The following NKX2-8 variants were observed in gnomAD, a reference collection of about 807,000 sequenced individuals.
NKX2-8 encodes the protein homeobox protein Nkx-2.8.
In NKX2-8, 8 loss-of-function variants were observed where a neutral mutation model predicts 6.4. The ratio of observed to expected loss-of-function variants is 1.24; its 90% CI spans 0.73 to 2.24. The LOEUF is 2.24. Ranked by LOEUF, NKX2-8 falls within the 30% of genes most tolerant of loss-of-function variation. NKX2-8 has a pLI of 0.00. For missense variants in NKX2-8, 406 were observed against 351.1 expected, an observed-to-expected ratio of 1.16 and a Z score of -1.25; for synonymous variants, 216 against 171.5, an observed-to-expected ratio of 1.26 and a Z score of -2.03.
rs1487638785 is a variant in NKX2-8 at position 36,581,343 on chromosome 14, C to G, written c.279G>C (p.Lys93Asn). Residue 93 changes from lysine to asparagine, a missense_variant, in exon 2 of 2, where the codon AAG (lysine) becomes AAC (asparagine). By Grantham distance (94) the Lys-to-Asn change is moderately conservative. Transcript: ENST00000258829. The surrounding 1 kb of genome is among the most constrained non-coding windows in gnomAD (Gnocchi z 5.6). ...KRKKRRVLFS[K>N]AQTLELERRF... ...GCCGCTCCAACTCCAGCGTCTGCGCCTTGGAGAATAGCACCCGCCGCTTCT... is the reference window on the plus strand; with the variant it reads ...GCCGCTCCAACTCCAGCGTCTGCGCGTTGGAGAATAGCACCCGCCGCTTCT... The G allele has an allele frequency of 6.4e-7, 1 of 1,573,348 alleles. No individual in the cohort carries two copies. The highest frequency in any genetic ancestry group is 1.9e-5 in the Admixed American group (1 of 53,850).
chr14:36,582,203 A>C (rs1594435329), intron 1 of NKX2-8, 30 bp downstream of exon 1: 1 of 1,583,888 alleles, frequency 6.3e-7, no homozygotes, highest in Non-Finnish European at 8.6e-7. Flanking sequence ...CCTACCTCCC[A>C]CCCCGCACCG....
chr14:36,581,181 C>A lies in NKX2-8; in HGVS notation c.441G>T (p.Ala147=). The A allele has an allele frequency of 6.2e-7, 1 of 1,601,864 alleles. No homozygotes were observed. The highest frequency in any genetic ancestry group is 1.3e-5 in the African/African-American group (1 of 74,844). The change falls in exon 2 of 2, where the codon GCG becomes GCT. Residue 147 remains alanine (A), a synonymous_variant. Coordinates refer to ENST00000258829, the MANE Select transcript of NKX2-8 (RefSeq NM_014360.4). This position sits in a 1 kb window ranked among gnomAD's most constrained non-coding sequence, Gnocchi z 5.6. ...YKLKRARAPG[A]AESPDLAASA... ...ATGCTGCCAGGTCAGGCGACTCCGC[C>A]GCCCCTGGAGCGCGAGCGCGCTTCA... is the stretch of plus-strand genomic sequence containing the variant.
Position 36,581,485 on chromosome 14 carries a change from A to G in NKX2-8, c.158-21T>C. ...CGAGGCTAGGGACAGCAAAGGAGACACGGGTGGGTGAGACGCCGGACCCTA... is the reference window on the plus strand; with the variant it reads ...CGAGGCTAGGGACAGCAAAGGAGACGCGGGTGGGTGAGACGCCGGACCCTA... On this transcript the variant is annotated intron_variant, in intron 1 of 1. Coordinates refer to ENST00000258829, the MANE Select transcript of NKX2-8 (RefSeq NM_014360.4). This position sits in a 1 kb window ranked among gnomAD's most constrained non-coding sequence, Gnocchi z 5.6. The G allele has an allele frequency of 6.6e-7, 1 of 1,512,310 alleles. No individual in the cohort carries two copies. Among genetic ancestry groups the G allele is most frequent in the East Asian group, 2.3e-5 (1 of 42,894 alleles). 93.7% of individuals were successfully genotyped at this position (1,512,310 alleles called of 1,614,324 possible). A position where few individuals can be genotyped will look rare whatever the true frequency, so the allele number is the denominator to read the frequency against.
At position 36,582,556 on chromosome 14, in the gene NKX2-8, A is replaced by C. The variant is rs1879281999; in HGVS notation, c.-167T>G. 1 of 637,858 alleles carries C rather than the reference A, an allele frequency of 1.6e-6. No homozygotes were observed. The highest frequency in any genetic ancestry group is 1.9e-5 in the African/African-American group (1 of 51,894). 39.5% of individuals were successfully genotyped at this position (637,858 alleles called of 1,614,324 possible). On this transcript the variant is annotated 5_prime_UTR_variant, in exon 1 of 2. Transcript: ENST00000258829. The stretch of plus-strand genomic sequence containing the variant: ...TTTATATAAACAGCTCTTCCCACCC[A>C]GGCCGCTTTGAAAGCCGAGGTCCGG...
In NKX2-8 at chr14:36,581,012, C is replaced by T; in HGVS notation, c.610G>A (p.Ala204Thr). Residue 204 changes from alanine (A) to threonine (T), a missense_variant, in exon 2 of 2, where the codon GCC becomes ACC. Coordinates refer to ENST00000258829, the MANE Select transcript of NKX2-8 (RefSeq NM_014360.4). The surrounding 1 kb of genome is among the most constrained non-coding windows in gnomAD (Gnocchi z 5.6). ...GGGTAGCCCGGCAGAGGGCAGGCGG[C>T]GGCTGGAGGGGCGCCGCACTTCTCC... ...AQEKCGAPPAAACPLPGYPAF... is the reference protein window; with the variant it reads ...AQEKCGAPPATACPLPGYPAF... The T allele has an allele frequency of 1.5e-6, 2 of 1,347,064 alleles. No homozygotes were observed. The highest frequency in any genetic ancestry group is 2.0e-5 in the South Asian group (1 of 49,728). The allele number at this position is 1,347,064 out of a possible 1,614,324, so 83.4% of individuals were successfully genotyped here. A position where few individuals can be genotyped will look rare whatever the true frequency, so the allele number is the denominator to read the frequency against.
intron 1 of NKX2-8, 61 bp downstream of exon 1, chr14:36,582,172 T>C: frequency 6.6e-7 from 1 of 1,521,522 alleles, no homozygotes; most frequent in African/African-American, 1.4e-5. Flanking sequence ...GCTGGGCCCT[T>C]GATTCTGCTG....
rs2139053331 is a variant in NKX2-8 at position 36,580,294 on chromosome 14, G to A, written c.*608C>T. 6.6e-6 allele frequency among the ~76,000 whole-genome samples: 1 copy of A among 152,306 alleles called. No individual in the cohort carries two copies. The highest frequency in any genetic ancestry group is 1.9e-4 in the East Asian group (1 of 5,156). ...AGCGGAGAGTCGGAGTCACTCTGGG[G>A]CCAGTGACGCCTCCCGCTGACAAGA... is the stretch of plus-strand genomic sequence containing the variant. On this transcript the variant is annotated 3_prime_UTR_variant, in exon 2 of 2. Coordinates refer to ENST00000258829, the MANE Select transcript of NKX2-8 (RefSeq NM_014360.4).
chr14:36,581,073 G>GC lies in NKX2-8; in HGVS notation c.548dup (p.Gly184ArgfsTer134). The GC allele has an allele frequency of 7.2e-7, 1 of 1,382,986 alleles. No individual in the cohort carries two copies. The highest frequency in any genetic ancestry group is 9.3e-7 in the Non-Finnish European group (1 of 1,080,112). 85.7% of individuals were successfully genotyped at this position (1,382,986 alleles called of 1,614,324 possible). On this transcript the variant is annotated frameshift_variant, in exon 2 of 2. Coordinates refer to ENST00000258829, the MANE Select transcript of NKX2-8 (RefSeq NM_014360.4). LOFTEE classifies it low-confidence loss of function (END_TRUNC). The surrounding 1 kb of genome is among the most constrained non-coding windows in gnomAD (Gnocchi z 5.6). ...CGGTTCCCACCTCGCCACCGCCGCCGCCGCCGCACGGCTGCCCGTCGCGAA... is the reference window on the plus strand; with the variant it reads ...CGGTTCCCACCTCGCCACCGCCGCCGCCCGCCGCACGGCTGCCCGTCGCGAA...
In NKX2-8 at chr14:36,581,134, G is replaced by A; in HGVS notation, c.488C>T (p.Pro163Leu). ...CACCACCACGCGACGCAGCAGGCCG[G>A]GCGCGGCGTGCAGCTCGGCGGATGC... The part of the protein sequence containing the change: ...LAASAELHAA[P>L]GLLRRVVVPV... Residue 163 changes from proline to leucine, a missense_variant, in exon 2 of 2, where the codon CCC becomes CTC. Physicochemically the swap from Pro to Leu is moderately conservative, Grantham distance 98 (BLOSUM62 -3). Transcript: ENST00000258829. This position sits in a 1 kb window ranked among gnomAD's most constrained non-coding sequence, Gnocchi z 5.6. 3.3e-6 allele frequency: 5 copies of A among 1,529,954 alleles called. No homozygotes were observed. The highest frequency in any genetic ancestry group is 3.5e-6 in the Non-Finnish European group (4 of 1,147,874). The allele number at this position is 1,529,954 out of a possible 1,614,324, so 94.8% of individuals were successfully genotyped here. A position where few individuals can be genotyped will look rare whatever the true frequency, so the allele number is the denominator to read the frequency against.
At position 36,580,858 on chromosome 14, in the gene NKX2-8, C is replaced by T; in HGVS notation, c.*44G>A. On this transcript the variant is annotated 3_prime_UTR_variant, in exon 2 of 2. Transcript: ENST00000258829. ...CTCCGGCCCTGCTCCAATCGCAGAG[C>T]GCGCTCCAAAGTCGAGGGTAGCCCC... The T allele has an allele frequency of 1.6e-6, 2 of 1,245,098 alleles. No homozygotes were observed. Among genetic ancestry groups the T allele is most frequent in the South Asian group, 3.3e-5 (1 of 30,626 alleles). The allele number at this position is 1,245,098 out of a possible 1,614,324, so 77.1% of individuals were successfully genotyped here.
Position 36,582,570 on chromosome 14 carries a change from G to A in NKX2-8, c.-181C>T. The A allele has an allele frequency of 1.8e-6, 1 of 558,190 alleles. No homozygotes were observed. Among genetic ancestry groups the A allele is most frequent in the Non-Finnish European group, 2.9e-6 (1 of 341,374 alleles). The allele number at this position is 558,190 out of a possible 1,614,324, so 34.6% of individuals were successfully genotyped here. On this transcript the variant is annotated 5_prime_UTR_variant, in exon 1 of 2. Transcript: ENST00000258829. Reference sequence around the variant, plus strand: ...TCTTCCCACCCAGGCCGCTTTGAAAGCCGAGGTCCGGGTCTCCAGGGTGTT... The same window carrying A: ...TCTTCCCACCCAGGCCGCTTTGAAAACCGAGGTCCGGGTCTCCAGGGTGTT...
At position 36,581,329 on chromosome 14, in the gene NKX2-8, TC is replaced by T; in HGVS notation, c.292del (p.Glu98SerfsTer42). 1 of 1,579,326 alleles carries T rather than the reference TC, an allele frequency of 6.3e-7. No homozygotes were observed. The highest frequency in any genetic ancestry group is 8.6e-7 in the Non-Finnish European group (1 of 1,163,006). On this transcript the variant is annotated frameshift_variant, in exon 2 of 2. Coordinates refer to ENST00000258829, the MANE Select transcript of NKX2-8 (RefSeq NM_014360.4). LOFTEE classifies it low-confidence loss of function (END_TRUNC). This position sits in a 1 kb window ranked among gnomAD's most constrained non-coding sequence, Gnocchi z 5.6. ...CTGCTGCCGGAAGCGCCGCTCCAAC[TC>T]CAGCGTCTGCGCCTTGGAGAATAGC... ...RVLFSKAQTL[E>X]LERRFRQQRY...
At position 36,580,988 on chromosome 14, in the gene NKX2-8, G is replaced by C. The variant is rs978455348; in HGVS notation, c.634C>G (p.Pro212Ala). The C allele has an allele frequency of 7.4e-7, 1 of 1,354,154 alleles. No individual in the cohort carries two copies. The highest frequency in any genetic ancestry group is 2.0e-5 in the South Asian group (1 of 49,060). The allele number at this position is 1,354,154 out of a possible 1,614,324, so 83.9% of individuals were successfully genotyped here. Residue 212 changes from proline to alanine, a missense_variant, in exon 2 of 2, where the codon CCT (proline) becomes GCT (alanine). Physicochemically the swap from Pro to Ala is conservative, Grantham distance 27 (BLOSUM62 -1). Transcript: ENST00000258829. ...PAAACPLPGY[P>A]AFGPGSALGL... ...AGCGCCGAGCCGGGACCGAAGGCAG[G>C]GTAGCCCGGCAGAGGGCAGGCGGCG...
In NKX2-8 at chr14:36,582,232, C is replaced by G. The variant is rs1230009024; in HGVS notation, c.157+1G>C. 3.1e-6 allele frequency: 5 copies of G among 1,607,344 alleles called. No individual in the cohort carries two copies. The East Asian group carries it at 6.8e-5, about 22-fold the overall frequency. On this transcript the variant is annotated splice_donor_variant, in intron 1 of 1. Coordinates refer to ENST00000258829, the MANE Select transcript of NKX2-8 (RefSeq NM_014360.4). LOFTEE classifies it high-confidence loss of function. ...CGCACCGCAATCCACCACGCACTTA[C>G]AAGGGTAGTGGCCGCGCTCCGAATC...
Position 36,582,273 on chromosome 14 carries a change from G to T in NKX2-8, c.117C>A (p.Pro39=). 1 of 1,609,304 alleles carries T rather than the reference G, an allele frequency of 6.2e-7. No homozygotes were observed. Among genetic ancestry groups the T allele is most frequent in the Non-Finnish European group, 8.5e-7 (1 of 1,177,728 alleles). The change falls in exon 1 of 2, where the codon CCC becomes CCA. Residue 39 remains proline (P), a synonymous_variant. Transcript: ENST00000258829. The part of the protein sequence containing the change: ...EPEPRAPQPD[P]CAAWLDSERG... ...GCTCCGAATCCAGCCAGGCGGCGCAGGGGTCGGGCTGGGGGGCGCGTGGTT... is the reference window on the plus strand; with the variant it reads ...GCTCCGAATCCAGCCAGGCGGCGCATGGGTCGGGCTGGGGGGCGCGTGGTT...
At position 36,580,185 on chromosome 14, in the gene NKX2-8, A is replaced by G. The variant is rs1285076509; in HGVS notation, c.*717T>C. On this transcript the variant is annotated 3_prime_UTR_variant, in exon 2 of 2. Transcript: ENST00000258829. ...GCCCCGCACCTGGCCTCGCCGGCTC[A>G]TCTCCGGAGAAACTCCTTCTGCCCT... Among the ~76,000 whole-genome samples the G allele has an allele frequency of 6.6e-6, 1 of 152,038 alleles. No individual in the cohort carries two copies. The highest frequency in any genetic ancestry group is 2.4e-5 in the African/African-American group (1 of 41,386).
rs781703988 is a variant in NKX2-8 at position 36,582,401 on chromosome 14, G to GGAAGGAGGC, written c.-21_-13dup. The GGAAGGAGGC allele has an allele frequency of 5.4e-6, 8 of 1,487,066 alleles. No homozygotes were observed. In the South Asian group the frequency reaches 1.1e-4, roughly 20 times the overall value. 92.1% of individuals were successfully genotyped at this position (1,487,066 alleles called of 1,614,324 possible). Reference sequence around the variant, plus strand: ...CCAGAGGTGGCCATGGCCGAGGAGGGGAAGGAGGCGGGGGCAGGGCAGGCT... The same window carrying GGAAGGAGGC: ...CCAGAGGTGGCCATGGCCGAGGAGGGGAAGGAGGCGAAGGAGGCGGGGGCAGGGCAGGCT... On this transcript the variant is annotated 5_prime_UTR_variant, in exon 1 of 2. Coordinates refer to ENST00000258829, the MANE Select transcript of NKX2-8 (RefSeq NM_014360.4).
At position 36,582,272 on chromosome 14, in the gene NKX2-8, A is replaced by G; in HGVS notation, c.118T>C (p.Cys40Arg). ...PEPRAPQPDP[C>R]AAWLDSERGH... The stretch of plus-strand genomic sequence containing the variant: ...CGCTCCGAATCCAGCCAGGCGGCGC[A>G]GGGGTCGGGCTGGGGGGCGCGTGGT... The change falls in exon 1 of 2, where the codon TGC (cysteine) becomes CGC (arginine). Residue 40 changes from cysteine to arginine, a missense_variant. Transcript: ENST00000258829. 1.2e-6 allele frequency: 2 copies of G among 1,608,408 alleles called. No homozygotes were observed. Among genetic ancestry groups the G allele is most frequent in the East Asian group, 2.3e-5 (1 of 44,384 alleles).
chr14:36,580,283 G>A lies in NKX2-8; in HGVS notation c.*619C>T, dbSNP rs1259122147. Among the ~76,000 whole-genome samples the A allele has an allele frequency of 2.6e-5, 4 of 152,218 alleles. No homozygotes were observed. The highest frequency in any genetic ancestry group is 1.5e-5 in the Non-Finnish European group (1 of 68,046). ...TCTGGGAGCCCAGCGGAGAGTCGGA[G>A]TCACTCTGGGGCCAGTGACGCCTCC... On this transcript the variant is annotated 3_prime_UTR_variant, in exon 2 of 2. Transcript: ENST00000258829.
Sources: allele counts gnomAD v4.1 joint callset (sites outside exome capture counted in the v4.1 genomes callset), GRCh38; gene constraint gnomAD v4.1.1; non-coding constraint Gnocchi (gnomAD v3.1); transcripts MANE v1.5; gene names NCBI Gene and HGNC (gene_info 2026-07-23, HGNC 2026-07-21).